The following IL33 variants were observed in gnomAD, a reference collection of about 807,000 sequenced individuals.
IL33 encodes the protein interleukin 33.
A neutral mutation model predicts 27.3 loss-of-function variants in IL33; 37 were observed. That is an observed-to-expected ratio of 1.36 (90% CI 1.04 to 1.78). IL33 has a LOEUF of 1.78. Ranked by LOEUF, IL33 falls within the 40% of genes most tolerant of loss-of-function variation. IL33 has a pLI of 0.00. For synonymous variants in IL33, 132 were observed against 102.9 expected, an observed-to-expected ratio of 1.28 and a Z score of -1.71; for missense variants, 406 against 311.4, an observed-to-expected ratio of 1.30 and a Z score of -2.29.
rs1278948430 is a variant in IL33 at position 6,256,174 on chromosome 9, G to A, written c.*6G>A. 1 of 1,608,916 alleles carries A rather than the reference G, an allele frequency of 6.2e-7. No homozygotes were observed. Among genetic ancestry groups the A allele is most frequent in the South Asian group, 1.1e-5 (1 of 90,792 alleles). ...TTAAGCTCTCTGAAACTTAGTTGATGGAAACCTGTGAGTCTTGGGTTGAGT... is the reference window on the plus strand; with the variant it reads ...TTAAGCTCTCTGAAACTTAGTTGATAGAAACCTGTGAGTCTTGGGTTGAGT... On this transcript the variant is annotated 3_prime_UTR_variant, in exon 8 of 8. Transcript: ENST00000682010.
chr9:6,253,552 A>T lies in IL33; in HGVS notation c.470A>T (p.Asp157Val). 1 of 1,601,992 alleles carries T rather than the reference A, an allele frequency of 6.2e-7. No individual in the cohort carries two copies. Among genetic ancestry groups the T allele is most frequent in the Non-Finnish European group, 8.5e-7 (1 of 1,172,610 alleles). Residue 157 changes from aspartate (D) to valine (V), a missense_variant and splice_region_variant, in exon 6 of 8, where the codon GAT becomes GTT. Coordinates refer to ENST00000682010, the MANE Select transcript of IL33 (RefSeq NM_033439.4). ...AGGGATTTTATGCATTCTCTTTCAG[A>T]TAAGGTGTTACTGAGTTACTATGAG... Reference protein sequence around the residue: ...VEDLKKDEKKDKVLLSYYESQ... With the variant: ...VEDLKKDEKKVKVLLSYYESQ...
chr9:6,253,732 T>A, intron 6 of IL33, 130 bp downstream of exon 6: 1 of 619,696 alleles, frequency 1.6e-6, no homozygotes, highest in Non-Finnish European at 2.8e-6. Flanking sequence ...CCCAAGCTCA[T>A]GGTAAAACCT....
At chr9:6,242,583 G>A (rs1339881200) in intron 2 of IL33, 1 of 152,088 alleles carries the variant, frequency 6.6e-6, no homozygotes, top group Non-Finnish European at 1.5e-5. Flanking sequence ...CATTTTCCAG[G>A]ATTTGACATT....
intron 1 of IL33, among the ~76,000 whole-genome samples, chr9:6,234,739 A>G (rs1213393686): frequency 7.5e-6 from 1 of 132,576 alleles, no homozygotes; most frequent in Non-Finnish European, 1.6e-5. Flanking sequence ...CCTCCTAACT[A>G]TTCATTCTTT....
chr9:6,238,874 C>A (rs993838784), intron 1 of IL33, among the ~76,000 whole-genome samples: 1 of 152,170 alleles, frequency 6.6e-6, no homozygotes, highest in East Asian at 1.9e-4. Context: ...ATTGCAGAAC[C>A]ATACTAAGAG....
At chr9:6,240,152 C>A (rs976890929) in intron 1 of IL33, among the ~76,000 whole-genome samples, 2 of 152,174 alleles carry the variant, frequency 1.3e-5, no homozygotes, top group Non-Finnish European at 2.9e-5. Context: ...GAGATTTATT[C>A]TGAGCCAAAT....
chr9:6,248,585 T>C (rs1200719878), intron 2 of IL33, among the ~76,000 whole-genome samples: 2 of 152,032 alleles, frequency 1.3e-5, no homozygotes, highest in African/African-American at 4.8e-5. Flanking sequence ...CTTTTTTTTC[T>C]TTTTTTAGAG....
At chr9:6,236,046 C>T (rs1348266973) in intron 1 of IL33, among the ~76,000 whole-genome samples, 1 of 151,654 alleles carries the variant, frequency 6.6e-6, no homozygotes, top group Non-Finnish European at 1.5e-5. Flanking sequence ...CACACACACA[C>T]ACACACACAC....
intron 2 of IL33, among the ~76,000 whole-genome samples, chr9:6,249,801 T>C (rs2130410055): frequency 6.6e-6 from 1 of 152,318 alleles, no homozygotes; most frequent in Non-Finnish European, 1.5e-5. Context: ...ATAATGCCCA[T>C]CTTGCAAGAT....
rs960615683 is a variant in IL33 at position 6,257,932 on chromosome 9, T to A, written c.*1764T>A. The A allele has an allele frequency of 2.1e-5, 1 of 48,024 alleles. No homozygotes were observed. Among genetic ancestry groups the A allele is most frequent in the African/African-American group, 3.2e-5 (1 of 31,298 alleles). 3.0% of individuals were successfully genotyped at this position (48,024 alleles called of 1,614,324 possible). ...TTAAAATGATTATTAAATAATCAAA[T>A]ATATCTACTACATTGTTTATATTAT... On this transcript the variant is annotated 3_prime_UTR_variant, in exon 8 of 8. Coordinates refer to ENST00000682010, the MANE Select transcript of IL33 (RefSeq NM_033439.4).
intron 1 of IL33, among the ~76,000 whole-genome samples, chr9:6,225,145 G>A (rs1818572825): frequency 6.6e-6 from 1 of 152,118 alleles, no homozygotes; most frequent in Non-Finnish European, 1.5e-5. Context: ...AAGCTAGAAG[G>A]AAACAAATCA....
At chr9:6,243,456 C>T (rs1021623286) in intron 2 of IL33, among the ~76,000 whole-genome samples, 3 of 152,296 alleles carry the variant, frequency 2.0e-5, no homozygotes. Context: ...CTGGTTCAAG[C>T]GATTCTCCTG....
intron 1 of IL33, among the ~76,000 whole-genome samples, chr9:6,230,966 C>G (rs1818900540): frequency 6.6e-6 from 1 of 152,190 alleles, no homozygotes; most frequent in East Asian, 1.9e-4. Context: ...ACAATCATAT[C>G]CAAACTCCAG....
chr9:6,245,181 G>A (rs1379741681), intron 2 of IL33, among the ~76,000 whole-genome samples: 1 of 152,138 alleles, frequency 6.6e-6, no homozygotes, highest in Non-Finnish European at 1.5e-5. Context: ...GGAGCCTTGG[G>A]ATAGATCCAT....
At chr9:6,254,612 C>A in intron 7 of IL33, 59 bp downstream of exon 7, 3 of 983,948 alleles carry the variant, frequency 3.0e-6, no homozygotes, top group Non-Finnish European at 4.3e-6. Flanking sequence ...TCATGAATGA[C>A]TCCACCAACT....
In IL33 at chr9:6,216,209, C is replaced by A. The variant is rs560158689; in HGVS notation, c.-12+357C>A. ...ACAGTGGCGTGATCCTAGCTCACTG[C>A]AGCCTCCAATTCCTGGGCTCAAGCA... On this transcript the variant is annotated intron_variant, in intron 1 of 7. Coordinates refer to ENST00000682010, the MANE Select transcript of IL33 (RefSeq NM_033439.4). 5.9e-5 allele frequency among the ~76,000 whole-genome samples: 9 copies of A among 152,254 alleles called. 1 individual carries two copies. The South Asian group carries it at 1.9e-3, about 32-fold the overall frequency.
chr9:6,252,078 C>G (rs370112867), intron 4 of IL33, among the ~76,000 whole-genome samples: 1 of 78,684 alleles, frequency 1.3e-5, no homozygotes, highest in Non-Finnish European at 2.5e-5. Context: ...CAACAAAAAA[C>G]AAAACAAAAC....
At chr9:6,255,800 G>T (rs560422231) in intron 7 of IL33, among the ~76,000 whole-genome samples, 168 bp from the exon 8 acceptor site, 2 of 151,786 alleles carry the variant, frequency 1.3e-5, no homozygotes, top group African/African-American at 4.8e-5. Flanking sequence ...CTACCCCTCT[G>T]GCCCTCTACT....
intron 2 of IL33, among the ~76,000 whole-genome samples, chr9:6,244,696 G>C (rs1465148846): frequency 6.6e-6 from 1 of 152,120 alleles, no homozygotes; most frequent in Non-Finnish European, 1.5e-5. Flanking sequence ...TGAAAAATTT[G>C]ACAGATATCT....
Sources: gnomAD v4.1 joint callset for allele counts (sites outside exome capture counted in the v4.1 genomes callset) on GRCh38, gnomAD v4.1.1 for gene constraint, MANE v1.5 for transcripts, NCBI Gene and HGNC (gene_info 2026-07-23, HGNC 2026-07-21) for gene names.